LSAMP: variants seen among roughly 807,000 people sequenced by gnomAD.
The protein encoded by LSAMP is limbic system-associated membrane protein.
LSAMP carries 7 observed loss-of-function variants against 38.6 expected under a neutral mutation model. The observed-to-expected ratio is 0.18, with a 90% CI of 0.10 to 0.34. The LOEUF (loss-of-function observed/expected upper bound fraction) is 0.34. Ranked by LOEUF, LSAMP falls within the 10% of genes least tolerant of loss-of-function variation. The pLI is 1.00. For missense variants in LSAMP, 313 were observed against 420.0 expected, an observed-to-expected ratio of 0.75 and a Z score of 2.23; for synonymous variants, 154 against 166.8, an observed-to-expected ratio of 0.92 and a Z score of 0.59.
At chr3:116,069,015 A>G (rs1044303358) in intron 2 of LSAMP, among the ~76,000 whole-genome samples, 1 of 152,178 alleles carries the variant, frequency 6.6e-6, no homozygotes, top group African/African-American at 2.4e-5. Context: ...CTTTACATAA[A>G]CTATGCTTGG....
chr3:116,307,770 C>T (rs1040430881), intron 1 of LSAMP, among the ~76,000 whole-genome samples: 6 of 151,760 alleles, frequency 4.0e-5, no homozygotes, highest in Admixed American at 6.6e-5. Context: ...TTATGATATA[C>T]CATAAAAAGA....
intron 1 of LSAMP, among the ~76,000 whole-genome samples, chr3:116,310,064 C>A (rs1385633892): frequency 6.6e-6 from 1 of 152,132 alleles, no homozygotes; most frequent in African/African-American, 2.4e-5. Context: ...CAGTCCAACA[C>A]ACATTTCCCC....
At chr3:116,253,575 A>G (rs2046713053) in intron 1 of LSAMP, among the ~76,000 whole-genome samples, 2 of 152,176 alleles carry the variant, frequency 1.3e-5, no homozygotes, top group African/African-American at 2.4e-5. Context: ...AATAAACCTT[A>G]ATAATTTTCT....
chr3:116,087,000 C>A (rs1478155308), intron 1 of LSAMP, among the ~76,000 whole-genome samples: 1 of 152,208 alleles, frequency 6.6e-6, no homozygotes, highest in Admixed American at 6.5e-5. Context: ...TAAAGTTATA[C>A]TCCACCATTA....
intron 3 of LSAMP, among the ~76,000 whole-genome samples, chr3:116,002,052 A>G (rs978516775): frequency 6.6e-6 from 1 of 152,150 alleles, no homozygotes; most frequent in Non-Finnish European, 1.5e-5. Context: ...AAACAATATC[A>G]TCTTTCTATA....
chr3:116,196,722 C>A (rs901333419), intron 1 of LSAMP, among the ~76,000 whole-genome samples: 45 of 152,098 alleles, frequency 3.0e-4, no homozygotes, highest in Admixed American at 2.7e-3. Context: ...AAGCTAGTTC[C>A]TGTTATGGGT....
Position 115,807,776 on chromosome 3 carries a change from A to T in LSAMP, c.*2541T>A, listed in dbSNP as rs773026822. On this transcript the variant is annotated 3_prime_UTR_variant, in exon 7 of 7. Transcript: ENST00000490035. ...TACCCTTTATTCTTGAACTAAGAAG[A>T]CCAAACTGTTAAGAGAAATACCTGA... The T allele has an allele frequency of 3.7e-4, 56 of 152,330 alleles. No homozygotes were observed. Among genetic ancestry groups the T allele is most frequent in the African/African-American group, 1.3e-3 (55 of 41,582 alleles). 9.4% of individuals were successfully genotyped at this position (152,330 alleles called of 1,614,324 possible).
At chr3:116,315,413 G>C (rs2107722243) in intron 1 of LSAMP, among the ~76,000 whole-genome samples, 1 of 152,184 alleles carries the variant, frequency 6.6e-6, no homozygotes, top group Non-Finnish European at 1.5e-5. Flanking sequence ...GGTGGGGAGG[G>C]AAATTTACAT....
intron 1 of LSAMP, among the ~76,000 whole-genome samples, chr3:116,330,154 T>G (rs1208458894): frequency 6.6e-6 from 1 of 152,184 alleles, no homozygotes; most frequent in Non-Finnish European, 1.5e-5. Flanking sequence ...AGACAACAAT[T>G]GCTCTGGCAG....
At chr3:115,848,876 AG>A (rs1432252147) in intron 4 of LSAMP, among the ~76,000 whole-genome samples, 1 of 152,238 alleles carries the variant, frequency 6.6e-6, no homozygotes, top group Non-Finnish European at 1.5e-5. Context: ...CTCCAGGAAT[AG>A]GAAAAGAGTC....
chr3:116,379,068 A>G (rs1237186728), intron 1 of LSAMP, among the ~76,000 whole-genome samples: 2 of 151,396 alleles, frequency 1.3e-5, no homozygotes, highest in African/African-American at 4.9e-5. Context: ...TCTTGAGAAC[A>G]GCATTTGTGA....
At chr3:116,426,468 A>C (rs1238522114) in intron 1 of LSAMP, among the ~76,000 whole-genome samples, 1 of 151,442 alleles carries the variant, frequency 6.6e-6, no homozygotes, top group Non-Finnish European at 1.5e-5. Context: ...TCTCAAAAAA[A>C]AAAAAAAAAA....
intron 1 of LSAMP, among the ~76,000 whole-genome samples, chr3:116,100,059 A>C (rs528171225): frequency 4.9e-5 from 6 of 123,436 alleles, no homozygotes; most frequent in African/African-American, 1.8e-4. Flanking sequence ...AATTTAAGCT[A>C]GTATCCACAG....
At chr3:115,823,110 G>A (rs181705545) in intron 6 of LSAMP, among the ~76,000 whole-genome samples, 8 of 152,280 alleles carry the variant, frequency 5.3e-5, no homozygotes, top group Admixed American at 5.2e-4. Flanking sequence ...TGCTTAAATT[G>A]TCATTGGATT....
intron 3 of LSAMP, among the ~76,000 whole-genome samples, chr3:116,012,980 GA>G (rs1388993491): frequency 6.6e-6 from 1 of 152,156 alleles, no homozygotes; most frequent in Non-Finnish European, 1.5e-5. Flanking sequence ...GAGAGATGTG[GA>G]CTCTGTATTT....
At chr3:116,058,554 A>G (rs1941533618) in intron 2 of LSAMP, among the ~76,000 whole-genome samples, 1 of 152,114 alleles carries the variant, frequency 6.6e-6, no homozygotes, top group Non-Finnish European at 1.5e-5. Flanking sequence ...GTTAATCCCC[A>G]AGTCAAAGTT....
intron 1 of LSAMP, among the ~76,000 whole-genome samples, chr3:116,340,733 G>A (rs2047981292): frequency 1.3e-5 from 2 of 152,008 alleles, no homozygotes; most frequent in African/African-American, 2.4e-5. Context: ...ACAATACTGT[G>A]TGTAAACTCA....
chr3:116,368,568 G>C (rs1341153331), intron 1 of LSAMP, among the ~76,000 whole-genome samples: 1 of 152,164 alleles, frequency 6.6e-6, no homozygotes, highest in Admixed American at 6.5e-5. Flanking sequence ...TCTTTGGTTG[G>C]AGAAGCCTTG....
chr3:116,324,539 G>A (rs758318498), intron 1 of LSAMP, among the ~76,000 whole-genome samples: 2 of 152,072 alleles, frequency 1.3e-5, no homozygotes, highest in Admixed American at 6.6e-5. Flanking sequence ...GTGATAAAAC[G>A]TTTCATTAAT....
Sources: allele counts gnomAD v4.1 joint callset (sites outside exome capture counted in the v4.1 genomes callset), GRCh38; gene constraint gnomAD v4.1.1; transcripts MANE v1.5; gene names NCBI Gene and HGNC (gene_info 2026-07-23, HGNC 2026-07-21).